Variants in ATP10D observed in about 807,000 individuals in gnomAD.
The protein encoded by ATP10D is ATPase phospholipid transporting 10D (putative).
A neutral mutation model predicts 144.8 loss-of-function variants in ATP10D; 89 were observed. That is an observed-to-expected ratio of 0.61 (90% CI 0.52 to 0.73). ATP10D has a LOEUF of 0.73. ATP10D is among the 30% of genes least tolerant of loss of function. The pLI, the probability that ATP10D is intolerant of heterozygous loss-of-function variation, is 0.00. For synonymous variants in ATP10D, 571 were observed against 615.1 expected (o/e 0.93, Z 1.06); for missense variants, 1,603 against 1,714.8 (o/e 0.93, Z 1.15).
chr4:47,587,356 C>G, intron 22 of ATP10D, 150 bp downstream of exon 22: 1 of 721,356 alleles, frequency 1.4e-6, no homozygotes, highest in Admixed American at 3.1e-5. Context: ...TGGTTTTTAA[C>G]TCTTTTATCA....
intron 1 of ATP10D, among the ~76,000 whole-genome samples, chr4:47,500,022 T>C (rs73237047): frequency 0.29 from 44,075 of 152,116 alleles, 7,085 homozygotes; most frequent in Admixed American, 0.35. Flanking sequence ...TTATATCACA[T>C]TTAGAGGCAG....
At chr4:47,517,568 T>C (rs1357131802) in intron 3 of ATP10D, among the ~76,000 whole-genome samples, 1 of 152,336 alleles carries the variant, frequency 6.6e-6, no homozygotes, top group Admixed American at 6.5e-5. Context: ...AAACACCCAG[T>C]TTCCTGTATT....
chr4:47,512,663 T>G lies in ATP10D; in HGVS notation c.123T>G (p.Ser41=), dbSNP rs1391765600. 1 of 1,614,052 alleles carries G rather than the reference T, an allele frequency of 6.2e-7. No homozygotes were observed. Among genetic ancestry groups the G allele is most frequent in the East Asian group, 2.2e-5 (1 of 44,890 alleles). The part of the protein sequence containing the change: ...SSLLACGRKS[S]QTPKLSGRHR... ...TGCTCGCCTGTGGGCGCAAGTCCTC[T>G]CAGACCCCTAAACTGTCAGGAAGGC... Residue 41 remains serine (S), a synonymous_variant, in exon 2 of 23, where the codon TCT becomes TCG. Transcript: ENST00000273859.
chr4:47,490,251 C>T (rs1715003009), intron 1 of ATP10D, among the ~76,000 whole-genome samples: 1 of 152,142 alleles, frequency 6.6e-6, no homozygotes, highest in Non-Finnish European at 1.5e-5. Context: ...AGAGAGATGT[C>T]CTCAGATATT....
chr4:47,491,385 G>T, intron 1 of ATP10D: 1 of 731,344 alleles, frequency 1.4e-6, no homozygotes, highest in East Asian at 2.6e-5. Context: ...TGTGGCCAAA[G>T]GAACAACTCC....
rs116429082 is a variant in ATP10D at position 47,530,342 on chromosome 4, T to A, written c.776+4700T>A. Reference sequence around the variant, plus strand: ...GTTTGTTCCTTTGACACCTAGTTTGTTGAGGATTTTTATCATGAAAGGATA... The same window carrying A: ...GTTTGTTCCTTTGACACCTAGTTTGATGAGGATTTTTATCATGAAAGGATA... On this transcript the variant is annotated intron_variant, in intron 5 of 22. Coordinates refer to ENST00000273859, the MANE Select transcript of ATP10D (RefSeq NM_020453.4). Among the ~76,000 whole-genome samples the A allele has an allele frequency of 3.8e-3, 575 of 152,314 alleles. 1 individual carries two copies. Among genetic ancestry groups the A allele is most frequent in the Non-Finnish European group, 6.5e-3 (441 of 68,014 alleles).
intron 15 of ATP10D, among the ~76,000 whole-genome samples, chr4:47,565,168 G>A (rs1052310987): frequency 3.3e-5 from 5 of 152,222 alleles, no homozygotes; most frequent in African/African-American, 1.2e-4. Flanking sequence ...CACCGTGTTA[G>A]CCAGGATGGT....
chr4:47,515,776 T>C (rs1408824582), intron 3 of ATP10D, 106 bp downstream of exon 3: 2 of 811,884 alleles, frequency 2.5e-6, no homozygotes, highest in Non-Finnish European at 3.8e-6. Context: ...TTTGTGGTGG[T>C]GTTGGTGTTG....
chr4:47,521,931 A>G (rs934383390), intron 3 of ATP10D, among the ~76,000 whole-genome samples: 3 of 152,228 alleles, frequency 2.0e-5, no homozygotes, highest in African/African-American at 7.2e-5. Context: ...TTTAAGCTAA[A>G]TATTTCTTGA....
rs1560400631 is a variant in ATP10D at position 47,485,456 on chromosome 4, G to A, written c.-101G>A. Reference sequence around the variant, plus strand: ...CTTTCACTCTTCGAATTTGTGCTTAGCTCTTTTCTTGTACCTTGCGACTCG... The same window carrying A: ...CTTTCACTCTTCGAATTTGTGCTTAACTCTTTTCTTGTACCTTGCGACTCG... On this transcript the variant is annotated 5_prime_UTR_variant, in exon 1 of 23. An upstream open reading frame in the 5' UTR loses its in-frame stop. Coordinates refer to ENST00000273859, the MANE Select transcript of ATP10D (RefSeq NM_020453.4). 2 of 151,886 alleles carry A rather than the reference G, an allele frequency of 1.3e-5. No homozygotes were observed. The highest frequency in any genetic ancestry group is 2.1e-4 in the South Asian group (1 of 4,826). 9.4% of individuals were successfully genotyped at this position (151,886 alleles called of 1,614,324 possible).
At chr4:47,569,403 C>T (rs1719826845) in intron 16 of ATP10D, among the ~76,000 whole-genome samples, 2 of 151,906 alleles carry the variant, frequency 1.3e-5, no homozygotes, top group South Asian at 4.2e-4. Context: ...TGTCAGACCC[C>T]CAAATCAACA....
intron 9 of ATP10D, among the ~76,000 whole-genome samples, chr4:47,542,665 G>A (rs1018977037): frequency 3.3e-5 from 5 of 151,838 alleles, no homozygotes; most frequent in African/African-American, 1.2e-4. Flanking sequence ...TTTTAGTAGA[G>A]ATGGGGTTTC....
intron 5 of ATP10D, among the ~76,000 whole-genome samples, chr4:47,526,113 T>C (rs1203023451): frequency 1.3e-5 from 2 of 152,232 alleles, no homozygotes. Flanking sequence ...AGACATTTAA[T>C]AGAAGACCAA....
At chr4:47,560,045 T>G (rs1719213844) in intron 13 of ATP10D, among the ~76,000 whole-genome samples, 1 of 151,920 alleles carries the variant, frequency 6.6e-6, no homozygotes, top group Non-Finnish European at 1.5e-5. Flanking sequence ...CCACACACAG[T>G]TAAAGGAAGA....
chr4:47,572,942 A>G lies in ATP10D; in HGVS notation c.3311A>G (p.His1104Arg), dbSNP rs1448190877. ...AGCAAGCTCCTTCTTGTCCATGGAC[A>G]CTGGTGTTATACACGGCTTTCCAAC... Reference protein sequence around the residue: ...HLSKLLLVHGHWCYTRLSNMI... With the variant: ...HLSKLLLVHGRWCYTRLSNMI... The change falls in exon 18 of 23, where the codon CAC becomes CGC. Residue 1104 changes from histidine (H) to arginine (R), a missense_variant. Physicochemically the swap from His to Arg is conservative, Grantham distance 29. Transcript: ENST00000273859. 1.2e-6 allele frequency: 2 copies of G among 1,613,956 alleles called. No homozygotes were observed. The highest frequency in any genetic ancestry group is 8.5e-7 in the Non-Finnish European group (1 of 1,179,948).
At chr4:47,542,615 T>C (rs28416749) in intron 9 of ATP10D, among the ~76,000 whole-genome samples, 28,908 of 151,896 alleles carry the variant, frequency 0.19, 3,242 homozygotes, top group East Asian at 0.43. Context: ...GTAGCTGGGA[T>C]TACAGGTGCC....
intron 22 of ATP10D, among the ~76,000 whole-genome samples, chr4:47,588,734 C>A (rs1577715324): frequency 6.6e-6 from 1 of 152,178 alleles, no homozygotes; most frequent in South Asian, 2.1e-4. Flanking sequence ...AACGAAGATA[C>A]TTCTATAGTG....
rs576255586 is a variant in ATP10D at position 47,530,734 on chromosome 4, G to A, written c.777-4775G>A. The stretch of plus-strand genomic sequence containing the variant: ...GCCTCCCAAAGTGCTGGTATTACAG[G>A]CATGAGCCACTGCGCCCAGCCTAGT... On this transcript the variant is annotated intron_variant, in intron 5 of 22. Coordinates refer to ENST00000273859, the MANE Select transcript of ATP10D (RefSeq NM_020453.4). 2.8e-4 allele frequency among the ~76,000 whole-genome samples: 42 copies of A among 152,262 alleles called. No homozygotes were observed. The East Asian group carries it at 5.4e-3, about 20-fold the overall frequency.
chr4:47,555,002 A>T, intron 11 of ATP10D, 88 bp downstream of exon 11: 1 of 1,065,968 alleles, frequency 9.4e-7, no homozygotes, highest in Non-Finnish European at 1.4e-6. Context: ...TGATATATGG[A>T]TAAAAATGAT....
Sources: allele counts gnomAD v4.1 joint callset (sites outside exome capture counted in the v4.1 genomes callset), GRCh38; gene constraint gnomAD v4.1.1; transcripts MANE v1.5; gene names NCBI Gene and HGNC (gene_info 2026-07-23, HGNC 2026-07-21).